PNPLA7: variants seen among roughly 807,000 people sequenced by gnomAD.
PNPLA7 encodes patatin-like phospholipase domain-containing protein 7.
A neutral mutation model predicts 161.7 loss-of-function variants in PNPLA7; 153 were observed. The observed-to-expected ratio is 0.95, with a 90% confidence interval of 0.83 to 1.08. The LOEUF (loss-of-function observed/expected upper bound fraction) is 1.08. PNPLA7 is among the 50% of genes least tolerant of loss of function. The probability of loss-of-function intolerance (pLI) is 0.00; values close to 1 mark genes in which losing one functional copy is unlikely to be tolerated. For missense variants in PNPLA7, 1,739 were observed against 1,856.6 expected (o/e 0.94, Z 1.16); for synonymous variants, 809 against 782.1 (o/e 1.03, Z -0.57).
intron 25 of PNPLA7, among the ~76,000 whole-genome samples, chr9:137,474,739 G>A (rs111688003): frequency 0.014 from 2,097 of 151,482 alleles, 47 homozygotes; most frequent in African/African-American, 0.047. Context: ...AAGGCTGGGC[G>A]CAGTGGCTCA....
At chr9:137,484,896 G>A (rs977708334) in intron 20 of PNPLA7, among the ~76,000 whole-genome samples, 160 bp from the exon 21 acceptor site, 1 of 151,520 alleles carries the variant, frequency 6.6e-6, no homozygotes, top group Non-Finnish European at 1.5e-5. Context: ...TGGCCCTCCC[G>A]CCTCCCCAGT....
chr9:137,538,506 A>G (rs770806571), intron 8 of PNPLA7, among the ~76,000 whole-genome samples: 2 of 152,228 alleles, frequency 1.3e-5, no homozygotes, highest in Non-Finnish European at 2.9e-5. Context: ...TTCTGCCTGA[A>G]TGCATCCGAG....
In PNPLA7 at chr9:137,501,639, C is replaced by G. The variant is rs749303004; in HGVS notation, c.1551+11G>C. ...GGTGGTCCCAGTGCCCCCCCCCAGACCCCCGCTCACCTGGTCTCCCTGCCT... is the reference window on the plus strand; with the variant it reads ...GGTGGTCCCAGTGCCCCCCCCCAGAGCCCCGCTCACCTGGTCTCCCTGCCT... On this transcript the variant is annotated intron_variant, in intron 15 of 34. Coordinates refer to ENST00000406427, the MANE Select transcript of PNPLA7 (RefSeq NM_001098537.3). 76 of 1,610,422 alleles carry G rather than the reference C, an allele frequency of 4.7e-5. No homozygotes were observed. The highest frequency in any genetic ancestry group is 6.0e-5 in the Non-Finnish European group (71 of 1,178,896).
Position 137,499,810 on chromosome 9 carries a change from T to C in PNPLA7, c.1757+881A>G, listed in dbSNP as rs1175341099. The stretch of plus-strand genomic sequence containing the variant: ...ACCCAGCCGACCTGTTTTCTTCAGC[T>C]GCTGTGCTTCCACTGACCTTCAGGC... On this transcript the variant is annotated intron_variant, in intron 16 of 34. Coordinates refer to ENST00000406427, the MANE Select transcript of PNPLA7 (RefSeq NM_001098537.3). This position sits in a 1 kb window ranked among gnomAD's most constrained non-coding sequence, Gnocchi z 5.5. Among the ~76,000 whole-genome samples, 1 of 152,380 alleles carries C rather than the reference T, an allele frequency of 6.6e-6. No individual in the cohort carries two copies. The highest frequency in any genetic ancestry group is 1.9e-4 in the East Asian group (1 of 5,182).
Position 137,500,704 on chromosome 9 carries a change from C to T in PNPLA7, c.1744G>A (p.Ala582Thr), listed in dbSNP as rs369129874. Reference protein sequence around the residue: ...RDCSFLSISKAHFYEIMRKQP... With the variant: ...RDCSFLSISKTHFYEIMRKQP... Reference sequence around the variant, plus strand: ...CGTGGGACTCACTCATAGAAGTGGGCCTTGGAGATGGACAGGAAGCTGCAG... The same window carrying T: ...CGTGGGACTCACTCATAGAAGTGGGTCTTGGAGATGGACAGGAAGCTGCAG... The change falls in exon 16 of 35, where the codon GCC (alanine) becomes ACC (threonine). Residue 582 changes from alanine (A) to threonine (T), a missense_variant. This residue lies in a region of PNPLA7 where 481 missense variants were observed against 450.0 expected (regional missense o/e 1.07). Coordinates refer to ENST00000406427, the MANE Select transcript of PNPLA7 (RefSeq NM_001098537.3). The surrounding 1 kb of genome is among the most constrained non-coding windows in gnomAD (Gnocchi z 5.5). 2.5e-5 allele frequency: 41 copies of T among 1,612,162 alleles called. No homozygotes were observed. The African/African-American group carries it at 4.8e-4, about 19-fold the overall frequency.
chr9:137,530,093 T>C (rs1835509940), intron 8 of PNPLA7, among the ~76,000 whole-genome samples: 1 of 151,958 alleles, frequency 6.6e-6, no homozygotes, highest in South Asian at 2.1e-4. Context: ...GCCTCCCGAG[T>C]AGATGAGACT....
At position 137,468,167 on chromosome 9, in the gene PNPLA7, T is replaced by TGAGACCAGGGAGCACCCCC. The variant is rs1267398277; in HGVS notation, c.2883-713_2883-695dup. Among the ~76,000 whole-genome samples the TGAGACCAGGGAGCACCCCC allele has an allele frequency of 6.6e-6, 1 of 151,688 alleles. No homozygotes were observed. Among genetic ancestry groups the TGAGACCAGGGAGCACCCCC allele is most frequent in the Non-Finnish European group, 1.5e-5 (1 of 67,888 alleles). On this transcript the variant is annotated intron_variant, in intron 25 of 34. Coordinates refer to ENST00000406427, the MANE Select transcript of PNPLA7 (RefSeq NM_001098537.3). The surrounding 1 kb of genome is among the most constrained non-coding windows in gnomAD (Gnocchi z 4.0). ...TGAGCTGGATGTAGACCAGCACCCA[T>TGAGACCAGGGAGCACCCCC]GAGACCAGGGAGCACCCCCGAGACC...
intron 1 of PNPLA7, among the ~76,000 whole-genome samples, chr9:137,549,635 G>A (rs1482163534): frequency 6.9e-6 from 1 of 144,608 alleles, no homozygotes; most frequent in African/African-American, 2.6e-5. Context: ...TTTCTACTAA[G>A]AATACAAAAA....
chr9:137,468,926 C>CA lies in PNPLA7; in HGVS notation c.2883-1454dup. On this transcript the variant is annotated intron_variant, in intron 25 of 34. Coordinates refer to ENST00000406427, the MANE Select transcript of PNPLA7 (RefSeq NM_001098537.3). The surrounding 1 kb of genome is among the most constrained non-coding windows in gnomAD (Gnocchi z 4.0). ...AAAAAAACCATATGTAATACTGCCA[C>CA]AGAATATTACTCAGGTATAAGCCTT... Among the ~76,000 whole-genome samples, 1 of 152,180 alleles carries CA rather than the reference C, an allele frequency of 6.6e-6. No individual in the cohort carries two copies. The highest frequency in any genetic ancestry group is 2.4e-5 in the African/African-American group (1 of 41,502).
rs886362169 is a variant in PNPLA7, at chr9:137,479,232, G to A, written c.2587C>T (p.Arg863Trp). The A allele has an allele frequency of 5.2e-6, 8 of 1,534,270 alleles. No individual in the cohort carries two copies. The highest frequency in any genetic ancestry group is 2.0e-5 in the Admixed American group (1 of 50,486). The change falls in exon 24 of 35, where the codon CGG becomes TGG. Residue 863 changes from arginine (R) to tryptophan (W), a missense_variant. Coordinates refer to ENST00000406427, the MANE Select transcript of PNPLA7 (RefSeq NM_001098537.3). ...DQEPTVGELE[R>W]MLESTAVRAQ... ...CGCACAGCTGTGCTCTCCAGCATCCGCTCCAGCTGAAAGGCAGAGCCCACG... is the reference window on the plus strand; with the variant it reads ...CGCACAGCTGTGCTCTCCAGCATCCACTCCAGCTGAAAGGCAGAGCCCACG...
At position 137,547,838 on chromosome 9, in the gene PNPLA7, C is replaced by T. The variant is rs1286358058; in HGVS notation, c.31-179G>A. On this transcript the variant is annotated intron_variant, in intron 1 of 34. Transcript: ENST00000406427. This position sits in a 1 kb window ranked among gnomAD's most constrained non-coding sequence, Gnocchi z 4.6. ...TCTGAGCCCCCTGCTAGGAAGCACT[C>T]AGAGAGCAACCTGGCTCCCTCAGTC... is the stretch of plus-strand genomic sequence containing the variant. Among the ~76,000 whole-genome samples, 1 of 152,214 alleles carries T rather than the reference C, an allele frequency of 6.6e-6. No homozygotes were observed.
chr9:137,497,457 T>A, intron 17 of PNPLA7, 147 bp from the exon 18 acceptor site: 1 of 736,942 alleles, frequency 1.4e-6, no homozygotes, highest in Non-Finnish European at 1.9e-6. Flanking sequence ...ACATATTTTT[T>A]ATTTTAAAAT....
At chr9:137,534,367 C>A (rs191135197) in intron 8 of PNPLA7, among the ~76,000 whole-genome samples, 3 of 152,082 alleles carry the variant, frequency 2.0e-5, no homozygotes, top group Non-Finnish European at 4.4e-5. Context: ...TGAGTGTCCA[C>A]TCCAGATGGG....
At chr9:137,503,794 A>AG in intron 14 of PNPLA7, among the ~76,000 whole-genome samples, 1 of 28,684 alleles carries the variant, frequency 3.5e-5, no homozygotes, top group African/African-American at 1.8e-4. Flanking sequence ...AAGAGAATGA[A>AG]GAAGAAGGAA....
intron 21 of PNPLA7, among the ~76,000 whole-genome samples, chr9:137,481,393 A>C (rs1226339668): frequency 2.0e-5 from 3 of 152,152 alleles, no homozygotes. Flanking sequence ...AGATAACGTA[A>C]TTTCCAAAAC....
Position 137,550,338 on chromosome 9 carries a change from A to G in PNPLA7, c.-141T>C, listed in dbSNP as rs1219823647. The G allele has an allele frequency of 1.1e-6, 1 of 915,436 alleles. No individual in the cohort carries two copies. The highest frequency in any genetic ancestry group is 1.8e-6 in the Non-Finnish European group (1 of 569,508). The allele number at this position is 915,436 out of a possible 1,614,324, so 56.7% of individuals were successfully genotyped here. On this transcript the variant is annotated 5_prime_UTR_variant, in exon 1 of 35. Transcript: ENST00000406427. ...GTCAAATTATGTTTCACTGAAAGGA[A>G]AATCCTGCTGAAAAAGTCTGTTCTC...
chr9:137,546,047 T>A (rs1836503759), intron 4 of PNPLA7, among the ~76,000 whole-genome samples: 1 of 152,184 alleles, frequency 6.6e-6, no homozygotes, highest in South Asian at 2.1e-4. Context: ...CTCCCTGTGA[T>A]GCTGTGCTTC....
chr9:137,537,479 A>G lies in PNPLA7; in HGVS notation c.747+3163T>C, dbSNP rs1443698149. ...ATAACAGGCACCCGCCACCACACCCAGCTAATTTTTGTATTTTTAGTAGGG... is the reference window on the plus strand; with the variant it reads ...ATAACAGGCACCCGCCACCACACCCGGCTAATTTTTGTATTTTTAGTAGGG... On this transcript the variant is annotated intron_variant, in intron 8 of 34. Transcript: ENST00000406427. This position sits in a 1 kb window ranked among gnomAD's most constrained non-coding sequence, Gnocchi z 4.5. Among the ~76,000 whole-genome samples the G allele has an allele frequency of 6.6e-6, 1 of 152,040 alleles. No individual in the cohort carries two copies. Among genetic ancestry groups the G allele is most frequent in the African/African-American group, 2.4e-5 (1 of 41,402 alleles).
rs778060618 is a variant in PNPLA7 at position 137,497,217 on chromosome 9, C to G, written c.1983G>C (p.Gly661=). The G allele has an allele frequency of 6.9e-6, 11 of 1,587,230 alleles. No individual in the cohort carries two copies. The South Asian group carries it at 1.3e-4, about 18-fold the overall frequency. ...RKDDGKKRLA[G]EYGRGDLVGV... ...CGACGAGGTCTCCTCGGCCGTACTC[C>G]CCGGCCAGGCGCTTCTTCCCATCAT... is the stretch of plus-strand genomic sequence containing the variant. The change falls in exon 18 of 35, where the codon GGG becomes GGC. Residue 661 remains glycine (G), a synonymous_variant. Transcript: ENST00000406427.
Sources: allele counts gnomAD v4.1 joint callset (sites outside exome capture counted in the v4.1 genomes callset), GRCh38; gene constraint gnomAD v4.1.1; regional missense constraint gnomAD v4.1.1; non-coding constraint Gnocchi (gnomAD v3.1); transcripts MANE v1.5; gene names NCBI Gene and HGNC (gene_info 2026-07-23, HGNC 2026-07-21).